FAM107B: variants seen among roughly 807,000 people sequenced by gnomAD.
FAM107B encodes family with sequence similarity 107 member B.
In FAM107B, 21 loss-of-function variants were observed where a neutral mutation model predicts 31.5. That is an observed-to-expected ratio of 0.67 (90% confidence interval 0.47 to 0.96). The LOEUF (loss-of-function observed/expected upper bound fraction) is 0.96. Ranked by LOEUF, FAM107B falls within the 40% of genes least tolerant of loss-of-function variation. The probability of loss-of-function intolerance (pLI) is 0.00; values close to 1 mark genes in which losing one functional copy is unlikely to be tolerated. For synonymous variants in FAM107B, 157 were observed against 141.5 expected (o/e 1.11, Z -0.78); for missense variants, 452 against 377.1 (o/e 1.20, Z -1.64).
intron 2 of FAM107B, among the ~76,000 whole-genome samples, chr10:14,558,668 G>A (rs1254356004): frequency 6.6e-6 from 1 of 152,006 alleles, no homozygotes; most frequent in Non-Finnish European, 1.5e-5. Flanking sequence ...TCTGGTGAAC[G>A]CAGGAAGGAC....
chr10:14,694,846 G>T (rs1855228093), intron 1 of FAM107B, among the ~76,000 whole-genome samples: 2 of 152,158 alleles, frequency 1.3e-5, no homozygotes, highest in African/African-American at 4.8e-5. Context: ...TTTAAATCAG[G>T]TTATTTATTT....
intron 2 of FAM107B, among the ~76,000 whole-genome samples, chr10:14,616,311 G>T (rs1157983337): frequency 6.6e-6 from 1 of 152,094 alleles, no homozygotes; most frequent in Non-Finnish European, 1.5e-5. Flanking sequence ...GGAAACTCGA[G>T]CTTCAAAAAC....
At chr10:14,595,581 A>G (rs571248493) in intron 2 of FAM107B, among the ~76,000 whole-genome samples, 1 of 151,854 alleles carries the variant, frequency 6.6e-6, no homozygotes, top group East Asian at 1.9e-4. Context: ...GTGCACCACC[A>G]CGCCTGGCTA....
chr10:14,612,599 C>T (rs1852751336), intron 2 of FAM107B: 1 of 152,206 alleles, frequency 6.6e-6, no homozygotes. Context: ...CAGCTCATTT[C>T]TCTCTGCAAC....
chr10:14,572,736 A>ATTTTATATATATATATATATATAT (rs1455058375), intron 2 of FAM107B, among the ~76,000 whole-genome samples: 1,097 of 86,144 alleles, frequency 0.013, 54 homozygotes, highest in East Asian at 0.02. Context: ...AAAAAAAAAA[A>ATTTTATATATATATATATATATAT]ATTTATATAT....
intron 2 of FAM107B, among the ~76,000 whole-genome samples, chr10:14,647,702 A>T (rs1853793149): frequency 6.6e-6 from 1 of 151,970 alleles, no homozygotes; most frequent in Admixed American, 6.6e-5. Context: ...AAAAAAAAAA[A>T]AAGATTGCTA....
intron 2 of FAM107B, among the ~76,000 whole-genome samples, chr10:14,661,063 C>T (rs1421596718): frequency 6.6e-6 from 1 of 152,170 alleles, no homozygotes; most frequent in Non-Finnish European, 1.5e-5. Context: ...CCTCCTTCTC[C>T]AGCCATGTAG....
intron 2 of FAM107B, among the ~76,000 whole-genome samples, chr10:14,590,986 T>A (rs1333276910): frequency 9.5e-5 from 4 of 42,046 alleles, no homozygotes; most frequent in Non-Finnish European, 1.4e-4. Flanking sequence ...CAAAACTCCA[T>A]CTCAAAAAAA....
chr10:14,679,519 C>G (rs1854776585), intron 1 of FAM107B, among the ~76,000 whole-genome samples: 1 of 152,216 alleles, frequency 6.6e-6, no homozygotes, highest in South Asian at 2.1e-4. Context: ...TCCCTAATCA[C>G]TGTGATTGTG....
At chr10:14,723,169 T>A in intron 1 of FAM107B, 1 of 508,528 alleles carries the variant, frequency 2.0e-6, no homozygotes, top group Non-Finnish European at 3.9e-6. Flanking sequence ...AAGAACAGCT[T>A]AAGACCATTC....
rs1845524052 is a variant in FAM107B, at chr10:14,520,470, A to G, written c.*720T>C. ...AGAAACCCTCCTAGTAATCAAAGCA[A>G]TTAATGAATGGACAGGATGTACCTT... On this transcript the variant is annotated 3_prime_UTR_variant, in exon 5 of 5. Transcript: ENST00000181796. The G allele has an allele frequency of 6.6e-6, 1 of 152,282 alleles. No individual in the cohort carries two copies. The highest frequency in any genetic ancestry group is 2.4e-5 in the African/African-American group (1 of 41,478). 9.4% of individuals were successfully genotyped at this position (152,282 alleles called of 1,614,324 possible).
At chr10:14,673,257 T>C (rs939616499) in intron 1 of FAM107B, among the ~76,000 whole-genome samples, 1 of 152,174 alleles carries the variant, frequency 6.6e-6, no homozygotes, top group African/African-American at 2.4e-5. Context: ...TGTAATTTTG[T>C]ACTCATTAAC....
intron 2 of FAM107B, chr10:14,604,377 G>T: frequency 2.6e-6 from 1 of 385,456 alleles, no homozygotes; most frequent in Non-Finnish European, 3.5e-6. Context: ...CGGCCCGCAA[G>T]CCAGTCCGGC....
intron 2 of FAM107B, among the ~76,000 whole-genome samples, chr10:14,581,761 AG>A (rs1406948302): frequency 6.6e-6 from 1 of 152,126 alleles, no homozygotes; most frequent in East Asian, 1.9e-4. Flanking sequence ...AACTCAAGTG[AG>A]CGTGGTGGTG....
At chr10:14,556,021 T>TG (rs1426778614) in intron 2 of FAM107B, 1 of 152,506 alleles carries the variant, frequency 6.6e-6, no homozygotes, top group African/African-American at 2.4e-5. Context: ...TTTACCTGGC[T>TG]GCAAGTGCAA....
intron 1 of FAM107B, among the ~76,000 whole-genome samples, chr10:14,694,660 A>T (rs1855224099): frequency 1.3e-5 from 2 of 152,206 alleles, no homozygotes; most frequent in South Asian, 4.1e-4. Flanking sequence ...CTGGGATTAC[A>T]GGCGCGGGAC....
At chr10:14,640,481 C>T (rs1555985) in intron 2 of FAM107B, among the ~76,000 whole-genome samples, 56,114 of 152,030 alleles carry the variant, frequency 0.37, 11,652 homozygotes, top group Non-Finnish European at 0.46. Flanking sequence ...CTTGAGTTCT[C>T]TTGGAAACAA....
chr10:14,604,141 G>T, intron 2 of FAM107B: 1 of 272,218 alleles, frequency 3.7e-6, no homozygotes, highest in Non-Finnish European at 5.4e-6. Flanking sequence ...CCGCCCGCCC[G>T]CCGAGAGGGT....
rs1240237432 is a variant in FAM107B at position 14,586,606 on chromosome 10, G to A, written c.470-56091C>T. 2.6e-5 allele frequency among the ~76,000 whole-genome samples: 4 copies of A among 152,118 alleles called. No homozygotes were observed. The East Asian group carries it at 5.8e-4, about 22-fold the overall frequency. On this transcript the variant is annotated intron_variant, in intron 2 of 4. Coordinates refer to ENST00000181796, the MANE Select transcript of FAM107B (RefSeq NM_031453.4). ...CCATGTGGGGATACAGCAAAAAGGTGGCCTTCTACAAAACACGAAGGGAGC... is the reference window on the plus strand; with the variant it reads ...CCATGTGGGGATACAGCAAAAAGGTAGCCTTCTACAAAACACGAAGGGAGC...
Sources: gnomAD v4.1 joint callset for allele counts (sites outside exome capture counted in the v4.1 genomes callset) on GRCh38, gnomAD v4.1.1 for gene constraint, MANE v1.5 for transcripts, NCBI Gene and HGNC (gene_info 2026-07-23, HGNC 2026-07-21) for gene names.